PTPRM: variants seen among roughly 807,000 people sequenced by gnomAD.
PTPRM encodes protein tyrosine phosphatase receptor type M.
A neutral mutation model predicts 186.7 loss-of-function variants in PTPRM; 47 were observed. That is an observed-to-expected ratio of 0.25 (90% CI 0.20 to 0.32). The LOEUF (loss-of-function observed/expected upper bound fraction) is 0.32. PTPRM is among the 10% of genes least tolerant of loss of function. The probability of loss-of-function intolerance (pLI) is 1.00; values close to 1 mark genes in which losing one functional copy is unlikely to be tolerated. For synonymous variants in PTPRM, 668 were observed against 674.9 expected (o/e 0.99, Z 0.16); for missense variants, 1,494 against 1,865.0 (o/e 0.80, Z 3.66).
At chr18:8,113,420 G>T (rs912896132) in intron 11 of PTPRM, 66 bp from the exon 12 acceptor site, 1 of 1,469,466 alleles carries the variant, frequency 6.8e-7, no homozygotes, top group South Asian at 1.2e-5. Flanking sequence ...GGTCCATGCA[G>T]TTGAAGGCAG....
chr18:7,807,540 AT>A, intron 2 of PTPRM, among the ~76,000 whole-genome samples: 1 of 152,322 alleles, frequency 6.6e-6, no homozygotes, highest in African/African-American at 2.4e-5. Flanking sequence ...TGGATGTCTA[AT>A]TAAAGTTACT....
intron 2 of PTPRM, among the ~76,000 whole-genome samples, chr18:7,864,493 G>A (rs554764680): frequency 7.9e-5 from 12 of 152,322 alleles, no homozygotes; most frequent in Non-Finnish European, 1.6e-4. Flanking sequence ...GTTTGTCAAA[G>A]ATCAGATGGT....
intron 19 of PTPRM, among the ~76,000 whole-genome samples, chr18:8,280,414 G>T (rs1182757291): frequency 3.8e-5 from 4 of 105,452 alleles, no homozygotes; most frequent in East Asian, 6.6e-4. Flanking sequence ...CGGGGGTGGG[G>T]GGGGGGTCAC....
intron 1 of PTPRM, among the ~76,000 whole-genome samples, chr18:7,749,996 G>C (rs1249176732): frequency 1.3e-5 from 2 of 152,136 alleles, no homozygotes; most frequent in African/African-American, 4.8e-5. Context: ...TGGTTAACTT[G>C]GTTTTTTGAC....
intron 23 of PTPRM, chr18:8,360,736 G>A (rs1253992296): frequency 1.3e-5 from 2 of 152,190 alleles, no homozygotes; most frequent in Non-Finnish European, 2.9e-5. Context: ...GGGAGTAGAT[G>A]TTTCAACACC....
rs2037864847 is a variant in PTPRM, at chr18:7,618,670, C to T, written c.73+50779C>T. 3.9e-5 allele frequency among the ~76,000 whole-genome samples: 6 copies of T among 152,262 alleles called. No homozygotes were observed. In the South Asian group the frequency reaches 1.2e-3, roughly 32 times the overall value. ...CTCGTTCTTCTTTTCATAGTTTGTA[C>T]CCTTTGATTTGTGATGCCTTTTACT... On this transcript the variant is annotated intron_variant, in intron 1 of 32. Coordinates refer to ENST00000580170, the MANE Select transcript of PTPRM (RefSeq NM_001105244.2).
chr18:7,700,713 G>A (rs8098343), intron 1 of PTPRM, among the ~76,000 whole-genome samples: 5,591 of 152,148 alleles, frequency 0.037, 349 homozygotes, highest in African/African-American at 0.13. Flanking sequence ...AATTTAGGTC[G>A]GATGCAGTGG....
At chr18:8,126,102 C>T (rs538060773) in intron 13 of PTPRM, among the ~76,000 whole-genome samples, 2 of 143,742 alleles carry the variant, frequency 1.4e-5, no homozygotes, top group South Asian at 4.4e-4. Flanking sequence ...CATGAAACAG[C>T]ATTGTCTGTC....
At chr18:8,141,417 A>C (rs1048880397) in intron 13 of PTPRM, among the ~76,000 whole-genome samples, 2 of 152,196 alleles carry the variant, frequency 1.3e-5, no homozygotes, top group Non-Finnish European at 2.9e-5. Flanking sequence ...GTTAAAAGTC[A>C]GTGCTAAGAA....
intron 3 of PTPRM, among the ~76,000 whole-genome samples, chr18:7,897,355 G>A (rs1387168035): frequency 6.6e-6 from 1 of 152,164 alleles, no homozygotes; most frequent in African/African-American, 2.4e-5. Context: ...CCTTGGCTAT[G>A]GCCCTTATTC....
At chr18:7,823,481 G>C (rs1031669905) in intron 2 of PTPRM, among the ~76,000 whole-genome samples, 2 of 152,174 alleles carry the variant, frequency 1.3e-5, no homozygotes, top group Non-Finnish European at 2.9e-5. Context: ...TTGTTCCTGG[G>C]TGTGTCTGTG....
intron 1 of PTPRM, chr18:7,755,359 T>C (rs1232051461): frequency 1.3e-5 from 2 of 152,186 alleles, no homozygotes; most frequent in African/African-American, 4.8e-5. Context: ...ATCTCTTCAA[T>C]CAGCATGTTT....
In PTPRM at chr18:8,163,155, G is replaced by C. The variant is rs560319305; in HGVS notation, c.2300+19376G>C. On this transcript the variant is annotated intron_variant, in intron 14 of 32. Coordinates refer to ENST00000580170, the MANE Select transcript of PTPRM (RefSeq NM_001105244.2). ...AGCTTCAGGATCAGTTTAATTTTCT[G>C]CTGTCCTAATTGCTGTGCTGGTGCC... Among the ~76,000 whole-genome samples the C allele has an allele frequency of 2.8e-4, 42 of 152,332 alleles. No homozygotes were observed. In the Middle Eastern group the frequency reaches 0.014, roughly 49 times the overall value.
At chr18:7,842,384 A>G (rs570242230) in intron 2 of PTPRM, among the ~76,000 whole-genome samples, 11 of 152,148 alleles carry the variant, frequency 7.2e-5, no homozygotes, top group African/African-American at 1.7e-4. Context: ...CAACTAACCA[A>G]TGAAGTGTAG....
At chr18:7,620,251 TGTC>T (rs1446556358) in intron 1 of PTPRM, among the ~76,000 whole-genome samples, 1 of 152,182 alleles carries the variant, frequency 6.6e-6, no homozygotes, top group East Asian at 1.9e-4. Flanking sequence ...TGTTTCTTGT[TGTC>T]TGTTTCCCAT....
At chr18:7,999,792 C>A (rs2083759546) in intron 7 of PTPRM, among the ~76,000 whole-genome samples, 1 of 151,844 alleles carries the variant, frequency 6.6e-6, no homozygotes, top group Non-Finnish European at 1.5e-5. Context: ...GAAACAGAAC[C>A]AATATGATAT....
chr18:8,225,049 G>A (rs2094197412), intron 14 of PTPRM, among the ~76,000 whole-genome samples: 2 of 152,152 alleles, frequency 1.3e-5, no homozygotes, highest in South Asian at 2.1e-4. Flanking sequence ...AGCTACTGGT[G>A]ATGATTGCCT....
At chr18:7,704,153 C>T (rs2040025135) in intron 1 of PTPRM, among the ~76,000 whole-genome samples, 1 of 152,076 alleles carries the variant, frequency 6.6e-6, no homozygotes, top group Non-Finnish European at 1.5e-5. Context: ...TGTGTCTCTG[C>T]CAGGTTTTGG....
chr18:7,743,870 C>G (rs1051489117), intron 1 of PTPRM, among the ~76,000 whole-genome samples: 3 of 152,134 alleles, frequency 2.0e-5, no homozygotes, highest in African/African-American at 7.2e-5. Context: ...TATTTAGTAG[C>G]TGTTATTCAG....
Sources: allele counts gnomAD v4.1 joint callset (sites outside exome capture counted in the v4.1 genomes callset), GRCh38; gene constraint gnomAD v4.1.1; transcripts MANE v1.5; gene names NCBI Gene and HGNC (gene_info 2026-07-23, HGNC 2026-07-21).